Variants in SLC22A24 observed in about 807,000 individuals in gnomAD.
SLC22A24 encodes the protein steroid transmembrane transporter SLC22A24.
Under a neutral mutation model 49.8 loss-of-function variants are expected in SLC22A24, and 53 were observed. That is an observed-to-expected ratio of 1.06 (90% confidence interval 0.85 to 1.34). The LOEUF (loss-of-function observed/expected upper bound fraction) is 1.34, where lower values mean the gene tolerates loss of function less well. Ranked by LOEUF, SLC22A24 falls within the 40% of genes most tolerant of loss-of-function variation. The pLI is 0.00. For missense variants in SLC22A24, 786 were observed against 675.9 expected, an observed-to-expected ratio of 1.16 and a Z score of -1.81; for synonymous variants, 302 against 256.4, an observed-to-expected ratio of 1.18 and a Z score of -1.70.
chr11:63,130,377 C>T (rs1179630463), intron 2 of SLC22A24, among the ~76,000 whole-genome samples: 2 of 152,144 alleles, frequency 1.3e-5, no homozygotes, highest in Non-Finnish European at 2.9e-5. Flanking sequence ...ATTCGGTTTG[C>T]TAATATTTTA....
chr11:63,134,830 C>G (rs939658510), intron 1 of SLC22A24, 62 bp from the exon 2 acceptor site: 5 of 1,190,872 alleles, frequency 4.2e-6, no homozygotes, highest in Non-Finnish European at 6.1e-6. Context: ...TTAGTAGAAA[C>G]TGACTCCAAA....
At chr11:63,135,109 A>C (rs192584168) in intron 1 of SLC22A24, among the ~76,000 whole-genome samples, 20 of 152,310 alleles carry the variant, frequency 1.3e-4, no homozygotes, top group Admixed American at 5.9e-4. Context: ...AATTAAAAGC[A>C]CATAAAAACA....
chr11:63,108,285 G>A (rs566599278), intron 4 of SLC22A24, among the ~76,000 whole-genome samples: 16 of 152,234 alleles, frequency 1.1e-4, no homozygotes, highest in South Asian at 8.3e-4. Context: ...GGATGAAGCC[G>A]ACTTGATCGT....
intron 2 of SLC22A24, among the ~76,000 whole-genome samples, chr11:63,126,180 T>A (rs4963366): frequency 0.8 from 120,938 of 152,066 alleles, 49,186 homozygotes; most frequent in East Asian, 0.9. Context: ...CCCATTTGTC[T>A]ATTTTGGCTT....
chr11:63,127,596 C>G (rs1453596396), intron 2 of SLC22A24, among the ~76,000 whole-genome samples: 1 of 152,182 alleles, frequency 6.6e-6, no homozygotes, highest in Non-Finnish European at 1.5e-5. Flanking sequence ...CTCCCACCAA[C>G]AGTGTAAAAG....
intron 9 of SLC22A24, 103 bp from the exon 10 acceptor site, chr11:63,080,103 C>T (rs1434671036): frequency 1.4e-6 from 1 of 694,678 alleles, no homozygotes; most frequent in African/African-American, 1.8e-5. Context: ...AAGCTGCCCT[C>T]TACCCACCAG....
chr11:63,096,933 T>C (rs561687725), intron 5 of SLC22A24, among the ~76,000 whole-genome samples: 1 of 152,292 alleles, frequency 6.6e-6, no homozygotes, highest in African/African-American at 2.4e-5. Flanking sequence ...AGGGATTATC[T>C]AATAATTATC....
chr11:63,142,709 A>C (rs890667543), intron 1 of SLC22A24, among the ~76,000 whole-genome samples: 1 of 152,102 alleles, frequency 6.6e-6, no homozygotes, highest in Non-Finnish European at 1.5e-5. Context: ...CAGATCGATA[A>C]ACTGGCTCAT....
chr11:63,113,261 C>T (rs1224626286), intron 4 of SLC22A24, among the ~76,000 whole-genome samples: 1 of 145,130 alleles, frequency 6.9e-6, no homozygotes, highest in African/African-American at 2.6e-5. Flanking sequence ...TACACACACA[C>T]ACGTATAGTT....
chr11:63,130,599 G>T (rs2087327138), intron 2 of SLC22A24, among the ~76,000 whole-genome samples: 2 of 152,144 alleles, frequency 1.3e-5, no homozygotes, highest in Admixed American at 1.3e-4. Flanking sequence ...GAATCTGTCT[G>T]GTCCTGGACT....
intron 2 of SLC22A24, among the ~76,000 whole-genome samples, chr11:63,127,248 G>T (rs1462600216): frequency 6.6e-6 from 1 of 152,116 alleles, no homozygotes; most frequent in Non-Finnish European, 1.5e-5. Flanking sequence ...CGGTCCTTGT[G>T]ATAGTTTGTT....
chr11:63,093,786 C>T (rs2134642885), intron 6 of SLC22A24, among the ~76,000 whole-genome samples: 1 of 152,124 alleles, frequency 6.6e-6, no homozygotes, highest in Non-Finnish European at 1.5e-5. Flanking sequence ...GTACCACAAA[C>T]TCCTGTGACA....
intron 2 of SLC22A24, among the ~76,000 whole-genome samples, chr11:63,127,440 C>T (rs55917808): frequency 0.025 from 3,810 of 152,230 alleles, 136 homozygotes; most frequent in African/African-American, 0.084. Flanking sequence ...AATAAACATA[C>T]GTGTGCATGT....
At chr11:63,142,799 G>T (rs1939750) in intron 1 of SLC22A24, among the ~76,000 whole-genome samples, 108,482 of 151,592 alleles carry the variant, frequency 0.72, 40,203 homozygotes, top group East Asian at 0.9. Context: ...GCCCTGATCA[G>T]TCAGCACTCT....
intron 4 of SLC22A24, among the ~76,000 whole-genome samples, chr11:63,113,345 G>A (rs1210176113): frequency 6.6e-6 from 1 of 150,952 alleles, no homozygotes; most frequent in Non-Finnish European, 1.5e-5. Context: ...TTTCTTCATA[G>A]CATCGATGGT....
At chr11:63,112,006 T>A (rs1459633144) in intron 4 of SLC22A24, among the ~76,000 whole-genome samples, 9 of 152,120 alleles carry the variant, frequency 5.9e-5, no homozygotes, top group Non-Finnish European at 1.3e-4. Flanking sequence ...AATTTCCCTC[T>A]ACACACTGCT....
chr11:63,125,004 A>G (rs928018705), intron 2 of SLC22A24, among the ~76,000 whole-genome samples: 1 of 151,924 alleles, frequency 6.6e-6, no homozygotes, highest in African/African-American at 2.4e-5. Flanking sequence ...CCTAATGCTA[A>G]ATGACGAGTT....
At chr11:63,139,976 G>A (rs1426887841) in intron 1 of SLC22A24, among the ~76,000 whole-genome samples, 3 of 151,658 alleles carry the variant, frequency 2.0e-5, no homozygotes, top group Admixed American at 1.3e-4. Flanking sequence ...AGAAAAATAA[G>A]AGCTTAATAT....
In SLC22A24 at chr11:63,119,353, A is replaced by G. The variant is rs2087235684; in HGVS notation, c.507-18T>C. On this transcript the variant is annotated intron_variant, in intron 2 of 9. Coordinates refer to ENST00000612278, the MANE Select transcript of SLC22A24 (RefSeq NM_001136506.2). ...GTCCAACCCTAAGAAATATTAAACC[A>G]GATAACGTTACTTAGGAACAAAAAT... is the stretch of plus-strand genomic sequence containing the variant. 1.3e-6 allele frequency: 2 copies of G among 1,501,796 alleles called. No homozygotes were observed. Among genetic ancestry groups the G allele is most frequent in the African/African-American group, 2.8e-5 (2 of 70,676 alleles). The allele number at this position is 1,501,796 out of a possible 1,614,324, so 93.0% of individuals were successfully genotyped here.
Sources: allele counts gnomAD v4.1 joint callset (sites outside exome capture counted in the v4.1 genomes callset), GRCh38; gene constraint gnomAD v4.1.1; transcripts MANE v1.5; gene names NCBI Gene and HGNC (gene_info 2026-07-23, HGNC 2026-07-21).